NRXN1: variants seen among roughly 807,000 people sequenced by gnomAD.
NRXN1 encodes the protein neurexin-1.
In NRXN1, 39 loss-of-function variants were observed where a neutral mutation model predicts 150.9. The observed-to-expected ratio is 0.26, with a 90% CI of 0.20 to 0.34. The LOEUF (loss-of-function observed/expected upper bound fraction) is 0.34, where lower values mean the gene tolerates loss of function less well. Among genes scored for constraint, NRXN1 ranks in the 10% least tolerant of loss-of-function variants. The pLI, the probability that NRXN1 is intolerant of heterozygous loss-of-function variation, is 1.00. For missense variants in NRXN1, 1,815 were observed against 1,949.9 expected (o/e 0.93, Z 1.30); for synonymous variants, 924 against 757.0 (o/e 1.22, Z -3.62).
intron 17 of NRXN1, among the ~76,000 whole-genome samples, chr2:50,431,560 A>T (rs1159683696): frequency 6.6e-6 from 1 of 152,160 alleles, no homozygotes; most frequent in Admixed American, 6.5e-5. Flanking sequence ...TTATTTTTTT[A>T]AATTTAAAAG....
intron 16 of NRXN1, among the ~76,000 whole-genome samples, chr2:50,468,730 G>C (rs2089172377): frequency 6.6e-6 from 1 of 151,154 alleles, no homozygotes; most frequent in Admixed American, 6.6e-5. Context: ...CACTTACTAG[G>C]TGTGGGACTT....
intron 17 of NRXN1, among the ~76,000 whole-genome samples, chr2:50,276,364 T>C (rs2070469823): frequency 6.6e-6 from 1 of 152,182 alleles, no homozygotes; most frequent in Non-Finnish European, 1.5e-5. Context: ...TATGTTTATA[T>C]AACGGGAAGA....
In NRXN1 at chr2:49,920,807, G is replaced by A. The variant is rs1187568192; in HGVS notation, c.*1137C>T. On this transcript the variant is annotated 3_prime_UTR_variant, in exon 23 of 23. Transcript: ENST00000401669. Reference sequence around the variant, plus strand: ...GGAGAAAAGATTATAAGATACATATGTATATATGTGACTTTCTAATTCACA... The same window carrying A: ...GGAGAAAAGATTATAAGATACATATATATATATGTGACTTTCTAATTCACA... 1 of 151,454 alleles carries A rather than the reference G, an allele frequency of 6.6e-6. No homozygotes were observed. Among genetic ancestry groups the A allele is most frequent in the Non-Finnish European group, 1.5e-5 (1 of 67,824 alleles). 9.4% of individuals were successfully genotyped at this position (151,454 alleles called of 1,614,324 possible).
At chr2:50,952,483 A>C (rs1049681285) in intron 2 of NRXN1, among the ~76,000 whole-genome samples, 11 of 151,896 alleles carry the variant, frequency 7.2e-5, no homozygotes, top group Admixed American at 4.6e-4. Flanking sequence ...TGTCATGCCC[A>C]ATTATTTCAA....
At chr2:50,293,120 G>A (rs570732002) in intron 17 of NRXN1, among the ~76,000 whole-genome samples, 74 of 152,166 alleles carry the variant, frequency 4.9e-4, no homozygotes, top group African/African-American at 1.8e-3. Flanking sequence ...GGCTTTCTGG[G>A]AATCTGCATG....
At chr2:50,560,883 C>T (rs564112675) in intron 8 of NRXN1, among the ~76,000 whole-genome samples, 2 of 152,132 alleles carry the variant, frequency 1.3e-5, no homozygotes, top group East Asian at 3.9e-4. Context: ...CTTCTCCAAA[C>T]CCAAATACCA....
At chr2:50,489,062 G>A (rs2091072875) in intron 15 of NRXN1, among the ~76,000 whole-genome samples, 1 of 152,162 alleles carries the variant, frequency 6.6e-6, no homozygotes. Flanking sequence ...CATCCTGCTG[G>A]GACGTGGTAA....
At chr2:50,515,600 G>GGTGTGTGTGTGTGTGTGTGTGTGTGT (rs60612860) in intron 12 of NRXN1, among the ~76,000 whole-genome samples, 5 of 143,508 alleles carry the variant, frequency 3.5e-5, no homozygotes, top group African/African-American at 7.7e-5. Flanking sequence ...AAATGCTTGG[G>GGTGTGTGTGTGTGTGTGTGTGTGTGT]GTGTGTGTGT....
intron 5 of NRXN1, chr2:50,696,409 A>T (rs555660144): frequency 6.5e-6 from 1 of 152,750 alleles, no homozygotes; most frequent in African/African-American, 2.4e-5. Flanking sequence ...ATTCTGATGG[A>T]GAGTTAGAAA....
At chr2:50,041,405 C>CA (rs1690929479) in intron 21 of NRXN1, among the ~76,000 whole-genome samples, 1 of 152,078 alleles carries the variant, frequency 6.6e-6, no homozygotes, top group Non-Finnish European at 1.5e-5. Flanking sequence ...AAATATCAAC[C>CA]TTATGCACAG....
chr2:50,454,053 T>C (rs1292699905), intron 17 of NRXN1, among the ~76,000 whole-genome samples: 1 of 152,070 alleles, frequency 6.6e-6, no homozygotes, highest in Non-Finnish European at 1.5e-5. Context: ...ACAGGCCAGG[T>C]GAGGTGGCTC....
At chr2:50,693,217 C>A (rs1440949338) in intron 5 of NRXN1, among the ~76,000 whole-genome samples, 1 of 152,118 alleles carries the variant, frequency 6.6e-6, no homozygotes, top group Non-Finnish European at 1.5e-5. Context: ...AAATATAGAT[C>A]CTGTGGGCAG....
intron 17 of NRXN1, among the ~76,000 whole-genome samples, chr2:50,304,040 C>T (rs574371861): frequency 1.3e-5 from 2 of 152,050 alleles, no homozygotes; most frequent in South Asian, 4.2e-4. Context: ...ATAACTTACC[C>T]CAATTAGCTG....
At chr2:50,357,065 C>T (rs77168138) in intron 17 of NRXN1, among the ~76,000 whole-genome samples, 211 of 152,100 alleles carry the variant, frequency 1.4e-3, no homozygotes, top group Non-Finnish European at 2.2e-3. Context: ...TCACTGGAGA[C>T]TACCAGTTTG....
intron 21 of NRXN1, among the ~76,000 whole-genome samples, chr2:50,030,256 C>A (rs1380162283): frequency 6.6e-6 from 1 of 152,094 alleles, no homozygotes; most frequent in Non-Finnish European, 1.5e-5. Flanking sequence ...AATTCTTTCT[C>A]TGCCCCTTTT....
At chr2:50,074,263 A>C (rs1354799329) in intron 19 of NRXN1, among the ~76,000 whole-genome samples, 1 of 152,164 alleles carries the variant, frequency 6.6e-6, no homozygotes, top group Non-Finnish European at 1.5e-5. Flanking sequence ...TTCTTCATCA[A>C]AAATGAAAAG....
intron 21 of NRXN1, among the ~76,000 whole-genome samples, chr2:50,027,755 C>T (rs1016330323): frequency 6.6e-6 from 1 of 152,118 alleles, no homozygotes; most frequent in Non-Finnish European, 1.5e-5. Flanking sequence ...TTTTGCAGGG[C>T]CCTGCATATT....
At chr2:50,448,636 C>A (rs1334260339) in intron 17 of NRXN1, among the ~76,000 whole-genome samples, 2 of 152,146 alleles carry the variant, frequency 1.3e-5, no homozygotes, top group Non-Finnish European at 2.9e-5. Flanking sequence ...AAATGCATAT[C>A]TTTTATTACC....
intron 2 of NRXN1, among the ~76,000 whole-genome samples, chr2:51,008,541 A>G (rs1455410082): frequency 5.9e-5 from 9 of 151,902 alleles, no homozygotes. Flanking sequence ...AGGGTATGGC[A>G]TACAATCATT....
Sources: gnomAD v4.1 joint callset for allele counts (sites outside exome capture counted in the v4.1 genomes callset) on GRCh38, gnomAD v4.1.1 for gene constraint, MANE v1.5 for transcripts, NCBI Gene and HGNC (gene_info 2026-07-23, HGNC 2026-07-21) for gene names.